SLC30A9: variants seen among roughly 807,000 people sequenced by gnomAD.
SLC30A9 encodes proton-coupled zinc antiporter SLC30A9, mitochondrial.
A neutral mutation model predicts 87.5 loss-of-function variants in SLC30A9; 58 were observed. That is an observed-to-expected ratio of 0.66 (90% CI 0.54 to 0.82). The LOEUF is 0.82. SLC30A9 is among the 40% of genes least tolerant of loss of function. SLC30A9 has a pLI of 0.00. For synonymous variants in SLC30A9, 234 were observed against 233.0 expected (o/e 1.00, Z -0.04); for missense variants, 557 against 679.1 (o/e 0.82, Z 2.00).
intron 6 of SLC30A9, among the ~76,000 whole-genome samples, chr4:42,031,077 A>G (rs900593450): frequency 3.3e-5 from 5 of 152,216 alleles, no homozygotes; most frequent in Admixed American, 6.5e-5. Context: ...GAAATAAACC[A>G]CAGTCACTTG....
Position 41,990,677 on chromosome 4 carries a change from C to G in SLC30A9, c.26C>G (p.Ala9Gly). Residue 9 changes from alanine to glycine, a missense_variant, in exon 1 of 18, where the codon GCG (alanine) becomes GGG (glycine). Physicochemically the swap from Ala to Gly is moderately conservative, Grantham distance 60. Around this residue, in one of 2 missense-constraint regions of SLC30A9, gnomAD observed 467 missense variants for 529.8 expected, o/e 0.88. Coordinates refer to ENST00000264451, the MANE Select transcript of SLC30A9 (RefSeq NM_006345.4). Reference protein sequence around the residue: MLPGLAAAAAHRCSWSSLC... With the variant: MLPGLAAAGAHRCSWSSLC... ...ATGTTACCCGGCTTGGCCGCCGCCG[C>G]GGCCCACAGATGTAGCTGGTCCTCC... The G allele has an allele frequency of 6.2e-7, 1 of 1,607,890 alleles. No individual in the cohort carries two copies. Among genetic ancestry groups the G allele is most frequent in the Non-Finnish European group, 8.5e-7 (1 of 1,176,316 alleles).
chr4:41,993,082 G>A (rs1019890987), intron 1 of SLC30A9, among the ~76,000 whole-genome samples: 1 of 151,594 alleles, frequency 6.6e-6, no homozygotes. Flanking sequence ...TTGTAATTTT[G>A]AGTTGTCTGA....
At chr4:42,079,108 T>C (rs1355377755) in intron 17 of SLC30A9, among the ~76,000 whole-genome samples, 1 of 152,102 alleles carries the variant, frequency 6.6e-6, no homozygotes, top group African/African-American at 2.4e-5. Context: ...TGACATAATT[T>C]TTGAATTTTC....
In SLC30A9 at chr4:42,090,101, A is replaced by G. The variant is rs1385774776; in HGVS notation, c.*3975A>G. On this transcript the variant is annotated 3_prime_UTR_variant, in exon 18 of 18. Coordinates refer to ENST00000264451, the MANE Select transcript of SLC30A9 (RefSeq NM_006345.4). ...AATTTGTATTATCTTCTTAGACTGC[A>G]TTTGTCAAGCTTTGGCAGCATTTCT... 3 of 152,218 alleles carry G rather than the reference A, an allele frequency of 2.0e-5. No homozygotes were observed. The highest frequency in any genetic ancestry group is 7.2e-5 in the African/African-American group (3 of 41,468). The allele number at this position is 152,218 out of a possible 1,614,324, so 9.4% of individuals were successfully genotyped here. A position where few individuals can be genotyped will look rare whatever the true frequency, so the allele number is the denominator to read the frequency against.
chr4:41,991,211 A>C (rs1243446347), intron 1 of SLC30A9, among the ~76,000 whole-genome samples: 2 of 152,174 alleles, frequency 1.3e-5, no homozygotes, highest in African/African-American at 2.4e-5. Flanking sequence ...TATTTTCTTA[A>C]ATTTTCTAAA....
intron 9 of SLC30A9, among the ~76,000 whole-genome samples, chr4:42,050,940 GGAA>G (rs1717359939): frequency 6.6e-6 from 1 of 152,138 alleles, no homozygotes; most frequent in African/African-American, 2.4e-5. Flanking sequence ...GTTCCACAGA[GGAA>G]GGAGCTACAA....
At chr4:42,085,114 G>A (rs1718877088) in intron 17 of SLC30A9, among the ~76,000 whole-genome samples, 1 of 152,124 alleles carries the variant, frequency 6.6e-6, no homozygotes, top group Non-Finnish European at 1.5e-5. Flanking sequence ...ATACCATAGT[G>A]CCAGTGCACA....
chr4:42,053,038 T>C (rs1262881864), intron 9 of SLC30A9, among the ~76,000 whole-genome samples: 1 of 152,110 alleles, frequency 6.6e-6, no homozygotes, highest in African/African-American at 2.4e-5. Flanking sequence ...ACCAGTTTTT[T>C]CCCCCCAAGG....
intron 14 of SLC30A9, among the ~76,000 whole-genome samples, chr4:42,068,392 C>T (rs559208165): frequency 3.3e-5 from 5 of 151,858 alleles, no homozygotes; most frequent in South Asian, 4.2e-4. Context: ...TACAGGCATG[C>T]GCCACCACGC....
intron 6 of SLC30A9, among the ~76,000 whole-genome samples, chr4:42,025,334 T>TC (rs1190688557): frequency 6.6e-6 from 1 of 152,222 alleles, no homozygotes; most frequent in African/African-American, 2.4e-5. Context: ...AGTAATCCTC[T>TC]CATTTGCCCT....
At chr4:42,002,355 G>T (rs1313982367) in intron 2 of SLC30A9, among the ~76,000 whole-genome samples, 1 of 151,536 alleles carries the variant, frequency 6.6e-6, no homozygotes, top group Non-Finnish European at 1.5e-5. Context: ...GAGGTATGAG[G>T]TACACGTGAT....
Position 42,066,558 on chromosome 4 carries a change from C to G in SLC30A9, c.1081C>G (p.Leu361Val), listed in dbSNP as rs1718083836. 6.2e-7 allele frequency: 1 copy of G among 1,600,216 alleles called. No individual in the cohort carries two copies. The highest frequency in any genetic ancestry group is 8.5e-7 in the Non-Finnish European group (1 of 1,170,894). The change falls in exon 13 of 18, where the codon CTT becomes GTT. Residue 361 changes from leucine (L) to valine (V), a missense_variant. Transcript: ENST00000264451. The part of the protein sequence containing the change: ...GSLVSEGATL[L>V]VAVNELRRNA... ...GAATGCTTTTCTTTTAGCAACACTT[C>G]TTGTTGCTGTAAATGAACTTCGTAG...
At chr4:42,032,432 A>T (rs777423326) in intron 6 of SLC30A9, among the ~76,000 whole-genome samples, 4 of 152,224 alleles carry the variant, frequency 2.6e-5, no homozygotes, top group Non-Finnish European at 4.4e-5. Flanking sequence ...GCCTTGGAGT[A>T]TAAATATTTA....
rs1287271209 is a variant in SLC30A9 at position 42,087,996 on chromosome 4, T to A, written c.*1870T>A. The A allele has an allele frequency of 6.6e-6, 1 of 151,938 alleles. No homozygotes were observed. Among genetic ancestry groups the A allele is most frequent in the Non-Finnish European group, 1.5e-5 (1 of 67,986 alleles). The allele number at this position is 151,938 out of a possible 1,614,324, so 9.4% of individuals were successfully genotyped here. A position where few individuals can be genotyped will look rare whatever the true frequency, so the allele number is the denominator to read the frequency against. On this transcript the variant is annotated 3_prime_UTR_variant, in exon 18 of 18. Transcript: ENST00000264451. Reference sequence around the variant, plus strand: ...AGCAGGTATTCCAAATGGTAATTTTTTTTTTTTAGGATTCCCTAATAAAAA... The same window carrying A: ...AGCAGGTATTCCAAATGGTAATTTTATTTTTTTAGGATTCCCTAATAAAAA...
At chr4:42,009,672 C>G (rs1258552684) in intron 2 of SLC30A9, among the ~76,000 whole-genome samples, 3 of 152,184 alleles carry the variant, frequency 2.0e-5, no homozygotes, top group Non-Finnish European at 1.5e-5. Context: ...AAGCCATTTA[C>G]TAGCATTCTT....
At chr4:42,041,622 C>G (rs1292670631) in intron 8 of SLC30A9, among the ~76,000 whole-genome samples, 1 of 152,048 alleles carries the variant, frequency 6.6e-6, no homozygotes, top group African/African-American at 2.4e-5. Flanking sequence ...CGCCTGTAGA[C>G]CTACTCAGGA....
intron 1 of SLC30A9, among the ~76,000 whole-genome samples, chr4:41,994,984 GT>G (rs1577673907): frequency 6.6e-6 from 1 of 152,152 alleles, no homozygotes; most frequent in East Asian, 1.9e-4. Context: ...AGGGCTGGGT[GT>G]GGTGGCTCAC....
chr4:42,003,311 G>A (rs1322896021), intron 2 of SLC30A9, among the ~76,000 whole-genome samples: 1 of 152,080 alleles, frequency 6.6e-6, no homozygotes, highest in African/African-American at 2.4e-5. Flanking sequence ...CTGGTGTGGT[G>A]TTTATACACA....
chr4:42,085,004 G>A (rs1718873771), intron 17 of SLC30A9, among the ~76,000 whole-genome samples: 3 of 152,206 alleles, frequency 2.0e-5, no homozygotes, highest in Admixed American at 2.0e-4. Flanking sequence ...TTGAATTGAA[G>A]TTCCTTAAGC....
Sources: allele counts gnomAD v4.1 joint callset (sites outside exome capture counted in the v4.1 genomes callset), GRCh38; gene constraint gnomAD v4.1.1; regional missense constraint gnomAD v4.1.1; transcripts MANE v1.5; gene names NCBI Gene and HGNC (gene_info 2026-07-23, HGNC 2026-07-21).